The following CNKSR2 variants were observed in gnomAD, a reference collection of about 807,000 sequenced individuals.
CNKSR2 encodes connector enhancer of kinase suppressor of Ras 2.
CNKSR2 carries 14 observed loss-of-function variants against 84.4 expected under a neutral mutation model. The ratio of observed to expected loss-of-function variants is 0.17; its 90% CI spans 0.11 to 0.26. The LOEUF (loss-of-function observed/expected upper bound fraction) is 0.26. Among genes scored for constraint, CNKSR2 ranks in the 10% least tolerant of loss-of-function variants. The pLI, the probability that CNKSR2 is intolerant of heterozygous loss-of-function variation, is 1.00. For missense variants in CNKSR2, 485 were observed against 771.2 expected, an observed-to-expected ratio of 0.63 and a Z score of 4.40; for synonymous variants, 275 against 277.9, an observed-to-expected ratio of 0.99 and a Z score of 0.10.
In CNKSR2 at chrX:21,534,553, A is replaced by G. The variant is rs150757779; in HGVS notation, c.1303+2486A>G. ...ACGGTACCAATTTACATTCTCATCA[A>G]TATTGTATAAGAGCTCCCTTTTCTC... On this transcript the variant is annotated intron_variant, in intron 11 of 21. Coordinates refer to ENST00000379510, the MANE Select transcript of CNKSR2 (RefSeq NM_014927.5). 4.8e-3 allele frequency among the ~76,000 whole-genome samples: 534 copies of G among 110,407 alleles called. 4 individuals carry two copies. Among genetic ancestry groups the G allele is most frequent in the Admixed American group, 6.2e-3 (64 of 10,394 alleles).
At chrX:21,611,541 C>T (rs1269303678) in intron 20 of CNKSR2, among the ~76,000 whole-genome samples, 5 of 112,355 alleles carry the variant, frequency 4.5e-5, no homozygotes, top group Non-Finnish European at 9.4e-5. Flanking sequence ...ACCATGCTTG[C>T]TCATTCTTCA....
intron 20 of CNKSR2, 49 bp from the exon 21 acceptor site, chrX:21,648,782 C>CTCT: frequency 1.1e-6 from 1 of 890,661 alleles, no homozygotes; most frequent in Non-Finnish European, 1.5e-6. Flanking sequence ...CTCTCTCTCT[C>CTCT]TCTCTCTCTT....
intron 6 of CNKSR2, among the ~76,000 whole-genome samples, chrX:21,496,153 A>G (rs1334852534): frequency 9.0e-6 from 1 of 111,731 alleles, no homozygotes; most frequent in African/African-American, 3.2e-5. Flanking sequence ...TGGGACCACC[A>G]TCGTATATAT....
intron 5 of CNKSR2, among the ~76,000 whole-genome samples, chrX:21,487,993 G>T (rs2091402734): frequency 8.9e-6 from 1 of 112,170 alleles, no homozygotes; most frequent in African/African-American, 3.2e-5. Context: ...GGCCCTGAAG[G>T]GTTTCCTATT....
At chrX:21,516,415 A>G (rs2091729092) in intron 8 of CNKSR2, 70 bp from the exon 9 acceptor site, 1 of 1,046,317 alleles carries the variant, frequency 9.6e-7, no homozygotes. Context: ...TAATCTTATT[A>G]AAGGGGGAGA....
At chrX:21,393,401 T>C (rs1336448862) in intron 1 of CNKSR2, among the ~76,000 whole-genome samples, 1 of 112,616 alleles carries the variant, frequency 8.9e-6, no homozygotes. Context: ...GTGTCAATTA[T>C]ACATTAAATA....
At chrX:21,624,559 G>A (rs1371578324) in intron 20 of CNKSR2, among the ~76,000 whole-genome samples, 1 of 110,864 alleles carries the variant, frequency 9.0e-6, no homozygotes, top group African/African-American at 3.3e-5. Flanking sequence ...GCCCAGGTTG[G>A]AGTGCGGTGG....
At chrX:21,569,078 A>G (rs1601960881) in intron 13 of CNKSR2, among the ~76,000 whole-genome samples, 1 of 112,228 alleles carries the variant, frequency 8.9e-6, no homozygotes, top group African/African-American at 3.2e-5. Flanking sequence ...TTCCCTGTGC[A>G]TATAATAGTT....
chrX:21,606,519 C>G (rs956331924), intron 18 of CNKSR2: 3 of 264,850 alleles, frequency 1.1e-5, no homozygotes, highest in Non-Finnish European at 1.3e-5. Context: ...GCAGTACGTT[C>G]TTTTTAACTC....
At position 21,432,661 on chromosome X, in the gene CNKSR2, A is replaced by G. The variant is rs1167304415; in HGVS notation, c.278A>G (p.Asn93Ser). The change falls in exon 3 of 22, where the codon AAT (asparagine) becomes AGT (serine). Residue 93 changes from asparagine to serine, a missense_variant. By Grantham distance (46) the Asn-to-Ser change is conservative. Coordinates refer to ENST00000379510, the MANE Select transcript of CNKSR2 (RefSeq NM_014927.5). ...ENLKTLSHKLNASAKNLQNFI... is the reference protein window; with the variant it reads ...ENLKTLSHKLSASAKNLQNFI... ...CTAAAAACCCTTTCTCACAAGTTGA[A>G]TGCATCTGCCAAAAATCTGCAGAAT... 8.3e-7 allele frequency: 1 copy of G among 1,198,004 alleles called. No individual in the cohort carries two copies. Among genetic ancestry groups the G allele is most frequent in the South Asian group, 1.8e-5 (1 of 55,306 alleles).
intron 5 of CNKSR2, among the ~76,000 whole-genome samples, chrX:21,471,531 A>G (rs1243176975): frequency 8.9e-6 from 1 of 112,224 alleles, no homozygotes; most frequent in African/African-American, 3.2e-5. Context: ...TTTATTCCTA[A>G]TATCAGTCTA....
intron 19 of CNKSR2, among the ~76,000 whole-genome samples, chrX:21,608,730 G>A (rs2092532244): frequency 8.9e-6 from 1 of 111,952 alleles, no homozygotes; most frequent in African/African-American, 3.3e-5. Flanking sequence ...ACTTCTTCAG[G>A]ATCTGAAAAT....
intron 2 of CNKSR2, chrX:21,428,021 A>G (rs1261210261): frequency 8.9e-6 from 1 of 112,299 alleles, no homozygotes; most frequent in Non-Finnish European, 1.9e-5. Context: ...GAGAATTTTC[A>G]TTTAGCTTGT....
At chrX:21,452,257 A>AT (rs887669087) in intron 4 of CNKSR2, among the ~76,000 whole-genome samples, 3 of 110,375 alleles carry the variant, frequency 2.7e-5, no homozygotes, top group African/African-American at 9.9e-5. Flanking sequence ...TGCTCGGCTA[A>AT]TTTTTTGTGT....
intron 4 of CNKSR2, among the ~76,000 whole-genome samples, chrX:21,444,928 ATTCAAG>A (rs1367915094): frequency 9.0e-6 from 1 of 111,556 alleles, no homozygotes. Flanking sequence ...CTATTCACAT[ATTCAAG>A]TTCAAGTAGT....
chrX:21,479,134 C>T (rs1812364088), intron 5 of CNKSR2, among the ~76,000 whole-genome samples: 1 of 111,594 alleles, frequency 9.0e-6, no homozygotes, highest in Non-Finnish European at 1.9e-5. Context: ...TTTTTTTAAG[C>T]TCTCACTTAT....
At chrX:21,388,020 C>T (rs1226120112) in intron 1 of CNKSR2, among the ~76,000 whole-genome samples, 1 of 110,335 alleles carries the variant, frequency 9.1e-6, no homozygotes, top group Non-Finnish European at 1.9e-5. Context: ...CTGCCTCAGC[C>T]TCTCGAGTAG....
At chrX:21,601,930 T>A (rs1163018784) in intron 18 of CNKSR2, among the ~76,000 whole-genome samples, 1 of 111,925 alleles carries the variant, frequency 8.9e-6, no homozygotes, top group African/African-American at 3.3e-5. Flanking sequence ...AGGGTGTTTG[T>A]TGTACATCCC....
At chrX:21,551,116 C>T (rs1244400818) in intron 11 of CNKSR2, among the ~76,000 whole-genome samples, 1 of 110,043 alleles carries the variant, frequency 9.1e-6, no homozygotes, top group Admixed American at 9.7e-5. Flanking sequence ...AACACAGGAA[C>T]AGAAAACCAA....
Sources: allele counts gnomAD v4.1 joint callset (sites outside exome capture counted in the v4.1 genomes callset), GRCh38; gene constraint gnomAD v4.1.1; transcripts MANE v1.5; gene names NCBI Gene and HGNC (gene_info 2026-07-23, HGNC 2026-07-21).